The following FOXN3 variants were observed in gnomAD, a reference collection of about 807,000 sequenced individuals.
The protein encoded by FOXN3 is forkhead box protein N3.
In FOXN3, 7 loss-of-function variants were observed where a neutral mutation model predicts 38.4. That is an observed-to-expected ratio of 0.18 (90% CI 0.10 to 0.34). The LOEUF is 0.34. Ranked by LOEUF, FOXN3 falls within the 10% of genes least tolerant of loss-of-function variation. The pLI is 1.00. For missense variants in FOXN3, 456 were observed against 613.4 expected (o/e 0.74, Z 2.71); for synonymous variants, 230 against 242.2 (o/e 0.95, Z 0.47).
Position 89,279,823 on chromosome 14 carries a change from T to C in FOXN3, c.745+1127A>G, listed in dbSNP as rs141728669. ...AGGCTATTAAAATCACAGTATGCAA[T>C]TGCGTGGCCTATAAATCAGCACTAA... On this transcript the variant is annotated intron_variant, in intron 4 of 5. Coordinates refer to ENST00000557258, the MANE Select transcript of FOXN3 (RefSeq NM_005197.4). Among the ~76,000 whole-genome samples, 565 of 152,296 alleles carry C rather than the reference T, an allele frequency of 3.7e-3. 6 individuals carry two copies. The highest frequency in any genetic ancestry group is 0.013 in the African/African-American group (538 of 41,548).
chr14:89,297,516 C>T lies in FOXN3; in HGVS notation c.681-16502G>A, dbSNP rs561225212. Among the ~76,000 whole-genome samples, 285 of 150,182 alleles carry T rather than the reference C, an allele frequency of 1.9e-3. 1 individual carries two copies. The highest frequency in any genetic ancestry group is 5.8e-3 in the African/African-American group (236 of 40,888). ...CGGAGCTTGCAGTGAGCCGAGATTG[C>T]GCCACTGCACTCCAGCCTGGGCAAC... is the stretch of plus-strand genomic sequence containing the variant. On this transcript the variant is annotated intron_variant, in intron 3 of 5. Transcript: ENST00000557258.
intron 3 of FOXN3, among the ~76,000 whole-genome samples, chr14:89,325,295 ACAC>A (rs1566956813): frequency 9.8e-5 from 8 of 81,980 alleles, no homozygotes; most frequent in African/African-American, 3.7e-4. Flanking sequence ...AACACCACCA[ACAC>A]CAACACCACC....
intron 1 of FOXN3, among the ~76,000 whole-genome samples, chr14:89,466,408 C>A (rs1283488469): frequency 6.6e-6 from 1 of 152,124 alleles, no homozygotes; most frequent in Non-Finnish European, 1.5e-5. Flanking sequence ...ACGGCAAATG[C>A]AGGGAATATG....
chr14:89,395,854 T>A (rs1333545112), intron 2 of FOXN3, among the ~76,000 whole-genome samples: 1 of 152,018 alleles, frequency 6.6e-6, no homozygotes, highest in Admixed American at 6.6e-5. Context: ...GAACCAAAGA[T>A]AATGAACATA....
intron 4 of FOXN3, among the ~76,000 whole-genome samples, chr14:89,210,133 G>C (rs534927099): frequency 5.3e-5 from 8 of 152,198 alleles, no homozygotes; most frequent in African/African-American, 1.9e-4. Context: ...CAAATCTCAT[G>C]TTCAGTTGTA....
intron 3 of FOXN3, among the ~76,000 whole-genome samples, chr14:89,288,652 CTGTAATAG>C (rs371020378): frequency 0.41 from 18,185 of 44,446 alleles, 4,921 homozygotes; most frequent in Admixed American, 0.51. Flanking sequence ...ACTCCAAAGG[CTGTAATAG>C]GCACTCTCTT....
intron 2 of FOXN3, among the ~76,000 whole-genome samples, chr14:89,376,776 G>A (rs965296136): frequency 3.3e-5 from 5 of 151,980 alleles, no homozygotes; most frequent in African/African-American, 1.2e-4. Flanking sequence ...CACTTTGGGA[G>A]GCTGAAGCGG....
At chr14:89,609,821 C>T (rs1258032410) in intron 1 of FOXN3, among the ~76,000 whole-genome samples, 2 of 151,918 alleles carry the variant, frequency 1.3e-5, no homozygotes, top group Non-Finnish European at 2.9e-5. Flanking sequence ...TGGAGATGAA[C>T]AGGAGGTGGA....
chr14:89,485,777 G>A (rs1406349480), intron 1 of FOXN3, among the ~76,000 whole-genome samples: 1 of 152,134 alleles, frequency 6.6e-6, no homozygotes, highest in Non-Finnish European at 1.5e-5. Context: ...TGGGGCAGAA[G>A]ATCTGGGTCC....
intron 3 of FOXN3, among the ~76,000 whole-genome samples, chr14:89,333,844 T>G (rs931888668): frequency 2.0e-5 from 3 of 150,658 alleles, no homozygotes; most frequent in Admixed American, 2.0e-4. Flanking sequence ...AGTCACTATT[T>G]CAAAGAGATA....
At chr14:89,363,371 G>C (rs1322964262) in intron 2 of FOXN3, among the ~76,000 whole-genome samples, 1 of 152,204 alleles carries the variant, frequency 6.6e-6, no homozygotes, top group South Asian at 2.1e-4. Flanking sequence ...ACTAACCCAT[G>C]ACTATGTGCC....
chr14:89,536,092 C>T (rs772139384), intron 1 of FOXN3, among the ~76,000 whole-genome samples: 1 of 152,176 alleles, frequency 6.6e-6, no homozygotes, highest in Admixed American at 6.5e-5. Flanking sequence ...CTGCAAAGGT[C>T]ACTGGAGGCA....
In FOXN3 at chr14:89,185,541, T is replaced by G. The variant is rs552792842; in HGVS notation, c.746-4735A>C. On this transcript the variant is annotated intron_variant, in intron 4 of 5. Transcript: ENST00000557258. Reference sequence around the variant, plus strand: ...TTTACAGCCAATCTGACGCACCTGATGTACTGAAGTGCACTGGCCTCCAGC... The same window carrying G: ...TTTACAGCCAATCTGACGCACCTGAGGTACTGAAGTGCACTGGCCTCCAGC... 3.9e-5 allele frequency: 6 copies of G among 152,372 alleles called. No homozygotes were observed. The South Asian group carries it at 1.0e-3, about 26-fold the overall frequency. The allele number at this position is 152,372 out of a possible 1,614,324, so 9.4% of individuals were successfully genotyped here.
At chr14:89,482,361 C>T (rs942708184) in intron 1 of FOXN3, among the ~76,000 whole-genome samples, 1 of 152,202 alleles carries the variant, frequency 6.6e-6, no homozygotes, top group Non-Finnish European at 1.5e-5. Context: ...TGGCTCACAC[C>T]TGTAATCCCA....
At chr14:89,442,667 T>C (rs1480734340) in intron 1 of FOXN3, among the ~76,000 whole-genome samples, 1 of 152,160 alleles carries the variant, frequency 6.6e-6, no homozygotes, top group Non-Finnish European at 1.5e-5. Context: ...CCACAGCCCA[T>C]GTCCATGGCC....
intron 2 of FOXN3, among the ~76,000 whole-genome samples, chr14:89,374,022 T>C (rs1890397770): frequency 6.6e-6 from 1 of 151,750 alleles, no homozygotes; most frequent in African/African-American, 2.4e-5. Flanking sequence ...TGCCAGCATT[T>C]TGGGAGGCCG....
At chr14:89,568,599 G>A (rs1317847103) in intron 1 of FOXN3, among the ~76,000 whole-genome samples, 1 of 152,146 alleles carries the variant, frequency 6.6e-6, no homozygotes, top group African/African-American at 2.4e-5. Flanking sequence ...CCTAACATTT[G>A]CGTCCTTTCT....
At chr14:89,491,498 T>C (rs1478234465) in intron 1 of FOXN3, among the ~76,000 whole-genome samples, 6 of 152,160 alleles carry the variant, frequency 3.9e-5, no homozygotes, top group Non-Finnish European at 7.3e-5. Context: ...TCAAGTATGG[T>C]CAGGGCACAG....
intron 1 of FOXN3, among the ~76,000 whole-genome samples, chr14:89,512,102 C>T (rs142226059): frequency 2.9e-4 from 44 of 152,156 alleles, no homozygotes; most frequent in African/African-American, 1.0e-3. Context: ...TCTCAGAGGG[C>T]ACACCGCTGT....
Sources: allele counts gnomAD v4.1 joint callset (sites outside exome capture counted in the v4.1 genomes callset), GRCh38; gene constraint gnomAD v4.1.1; transcripts MANE v1.5; gene names NCBI Gene and HGNC (gene_info 2026-07-23, HGNC 2026-07-21).